Variants in NEK11 observed in about 807,000 individuals in gnomAD.
NEK11 encodes serine/threonine-protein kinase Nek11.
A neutral mutation model predicts 80.7 loss-of-function variants in NEK11; 72 were observed. The ratio of observed to expected loss-of-function variants is 0.89; its 90% confidence interval spans 0.74 to 1.08. The LOEUF is 1.08. NEK11 is among the 50% of genes least tolerant of loss of function. The probability of loss-of-function intolerance (pLI) is 0.00; values close to 1 mark genes in which losing one functional copy is unlikely to be tolerated. For synonymous variants in NEK11, 251 were observed against 260.7 expected (o/e 0.96, Z 0.36); for missense variants, 764 against 763.6 (o/e 1.00, Z -0.01).
At chr3:131,134,018 T>G in intron 7 of NEK11, 62 bp downstream of exon 7, 1 of 1,422,954 alleles carries the variant, frequency 7.0e-7, no homozygotes, top group Middle Eastern at 1.8e-4. Context: ...ACATTTTGTC[T>G]TTCAGCTCAT....
chr3:131,105,405 G>A (rs562739142), intron 4 of NEK11, among the ~76,000 whole-genome samples: 11 of 152,220 alleles, frequency 7.2e-5, no homozygotes, highest in South Asian at 4.2e-4. Flanking sequence ...GCTTAATCAC[G>A]TATAAAATTT....
intron 15 of NEK11, among the ~76,000 whole-genome samples, chr3:131,242,074 G>C (rs909582907): frequency 2.0e-5 from 3 of 152,088 alleles, no homozygotes; most frequent in Admixed American, 1.3e-4. Context: ...TCATGGATCT[G>C]ACTGGACCTT....
intron 14 of NEK11, among the ~76,000 whole-genome samples, chr3:131,216,426 A>C (rs368622390): frequency 3.3e-5 from 5 of 152,368 alleles, no homozygotes; most frequent in African/African-American, 1.2e-4. Context: ...GGGGAGAGTC[A>C]CATGGTGAGT....
chr3:131,334,846 C>T (rs550386093), intron 17 of NEK11, among the ~76,000 whole-genome samples: 97 of 152,214 alleles, frequency 6.4e-4, no homozygotes, highest in Non-Finnish European at 9.0e-4. Flanking sequence ...AACACCTCTA[C>T]GCAAATAAAC....
intron 4 of NEK11, among the ~76,000 whole-genome samples, chr3:131,096,192 CT>C (rs1173237519): frequency 6.6e-6 from 1 of 151,858 alleles, no homozygotes; most frequent in Non-Finnish European, 1.5e-5. Flanking sequence ...CCTCCCTCCC[CT>C]ATCTAGTAGT....
At chr3:131,261,496 TG>T (rs1308930073) in intron 16 of NEK11, among the ~76,000 whole-genome samples, 3 of 152,066 alleles carry the variant, frequency 2.0e-5, no homozygotes, top group African/African-American at 7.3e-5. Flanking sequence ...CCCAAGTAAA[TG>T]CTATGCCTGA....
chr3:131,293,252 G>C (rs1183415834), intron 17 of NEK11, among the ~76,000 whole-genome samples: 2 of 152,000 alleles, frequency 1.3e-5, no homozygotes, highest in Non-Finnish European at 2.9e-5. Context: ...TCAGGTTGAG[G>C]AATTTTTCCT....
At chr3:131,227,836 A>T (rs890643420) in intron 14 of NEK11, among the ~76,000 whole-genome samples, 1 of 152,148 alleles carries the variant, frequency 6.6e-6, no homozygotes, top group Non-Finnish European at 1.5e-5. Flanking sequence ...CACCAACTTT[A>T]TTCTAGTTAC....
chr3:131,211,758 A>G (rs1351022752), intron 14 of NEK11, among the ~76,000 whole-genome samples: 2 of 152,142 alleles, frequency 1.3e-5, no homozygotes, highest in East Asian at 3.8e-4. Flanking sequence ...ACTTGATGGA[A>G]TCGGCTACTG....
intron 16 of NEK11, among the ~76,000 whole-genome samples, chr3:131,244,643 C>T (rs559197896): frequency 1.3e-5 from 2 of 152,004 alleles, no homozygotes; most frequent in Admixed American, 6.6e-5. Context: ...TATTTGTGGT[C>T]GAAGGTGGTG....
chr3:131,081,269 G>A (rs1042765462), intron 4 of NEK11, among the ~76,000 whole-genome samples: 4 of 152,200 alleles, frequency 2.6e-5, no homozygotes, highest in African/African-American at 9.7e-5. Flanking sequence ...TATGTCCTGA[G>A]TTTTGGATTC....
intron 15 of NEK11, among the ~76,000 whole-genome samples, chr3:131,239,293 C>G (rs957195403): frequency 6.6e-6 from 1 of 152,112 alleles, no homozygotes. Flanking sequence ...TGACTGAGGA[C>G]GTGCCTGGGG....
At chr3:131,124,576 G>A (rs1044907264) in intron 5 of NEK11, among the ~76,000 whole-genome samples, 4 of 152,128 alleles carry the variant, frequency 2.6e-5, no homozygotes, top group Non-Finnish European at 5.9e-5. Context: ...CTGGTGTCAA[G>A]GGAGAAGAGG....
At chr3:131,239,572 G>C (rs1048924100) in intron 15 of NEK11, among the ~76,000 whole-genome samples, 2 of 152,150 alleles carry the variant, frequency 1.3e-5, no homozygotes, top group Admixed American at 1.3e-4. Flanking sequence ...TATGTGCCAA[G>C]CCTTCTCTAG....
intron 14 of NEK11, among the ~76,000 whole-genome samples, chr3:131,223,236 T>TA (rs1390708094): frequency 1.3e-5 from 2 of 152,204 alleles, no homozygotes; most frequent in African/African-American, 4.8e-5. Context: ...TGAACGGACT[T>TA]ACGTTTTTTT....
At chr3:131,192,346 G>A (rs115444313) in intron 14 of NEK11, among the ~76,000 whole-genome samples, 2,010 of 152,262 alleles carry the variant, frequency 0.013, 39 homozygotes, top group African/African-American at 0.045. Context: ...GGAATGTTAA[G>A]ATGAGGTAGC....
chr3:131,109,840 A>C lies in NEK11; in HGVS notation c.374A>C (p.Gln125Pro). 11 of 1,605,772 alleles carry C rather than the reference A, an allele frequency of 6.9e-6. No individual in the cohort carries two copies. The highest frequency in any genetic ancestry group is 9.3e-6 in the Non-Finnish European group (11 of 1,177,246). ...GACGATAAAATTCAGGAATATAAAC[A>C]AGCTGGAAAAATCTTTCCAGAAAAT... ...DLDDKIQEYK[Q>P]AGKIFPENQI... The change falls in exon 5 of 18, where the codon CAA becomes CCA. Residue 125 changes from glutamine (Q) to proline (P), a missense_variant. Transcript: ENST00000383366.
chr3:131,197,001 A>G (rs1477540813), intron 14 of NEK11, among the ~76,000 whole-genome samples: 1 of 152,084 alleles, frequency 6.6e-6, no homozygotes, highest in Non-Finnish European at 1.5e-5. Context: ...CTGTGTTCTC[A>G]GGCGATAGAT....
chr3:131,246,559 A>G (rs773797984), intron 16 of NEK11, among the ~76,000 whole-genome samples: 149 of 152,300 alleles, frequency 9.8e-4, no homozygotes, highest in Non-Finnish European at 1.6e-3. Flanking sequence ...GCAATTGCAA[A>G]TTGTGCTGCT....
Sources: allele counts gnomAD v4.1 joint callset (sites outside exome capture counted in the v4.1 genomes callset), GRCh38; gene constraint gnomAD v4.1.1; transcripts MANE v1.5; gene names NCBI Gene and HGNC (gene_info 2026-07-23, HGNC 2026-07-21).